RAB6B: variants seen among roughly 807,000 people sequenced by gnomAD.
RAB6B encodes ras-related protein Rab-6B.
A neutral mutation model predicts 31.2 loss-of-function variants in RAB6B; 7 were observed. The observed-to-expected ratio is 0.22, with a 90% CI of 0.13 to 0.42. The LOEUF (loss-of-function observed/expected upper bound fraction) is 0.42. Among genes scored for constraint, RAB6B ranks in the 10% least tolerant of loss-of-function variants. The pLI is 1.00. For missense variants in RAB6B, 149 were observed against 280.6 expected, an observed-to-expected ratio of 0.53 and a Z score of 3.35; for synonymous variants, 105 against 104.9, an observed-to-expected ratio of 1.00 and a Z score of -0.01.
rs1936209848 is a variant in RAB6B at position 133,864,621 on chromosome 3, G to A, written c.92C>T (p.Thr31Met). Residue 31 changes from threonine (T) to methionine (M), a missense_variant, in exon 2 of 8, where the codon ACG becomes ATG. This residue lies in a region of RAB6B where 75 missense variants were observed against 180.1 expected (regional missense o/e 0.42). Transcript: ENST00000285208. Reference sequence around the variant, plus strand: ...GTCGAAGCTGTCGTACATGAACCTCGTAATCAGAGACGTCTTCCCGACTGC... The same window carrying A: ...GTCGAAGCTGTCGTACATGAACCTCATAATCAGAGACGTCTTCCCGACTGC... ...EQSVGKTSLI[T>M]RFMYDSFDNT... 1 of 1,614,136 alleles carries A rather than the reference G, an allele frequency of 6.2e-7. No homozygotes were observed. Among genetic ancestry groups the A allele is most frequent in the East Asian group, 2.2e-5 (1 of 44,872 alleles).
At chr3:133,874,166 T>C (rs1010034311) in intron 1 of RAB6B, among the ~76,000 whole-genome samples, 9 of 152,218 alleles carry the variant, frequency 5.9e-5, no homozygotes, top group African/African-American at 1.2e-4. Flanking sequence ...TAAGTGGATA[T>C]GCATAGTTCA....
chr3:133,881,587 C>G (rs879712929), intron 1 of RAB6B, among the ~76,000 whole-genome samples: 1 of 152,194 alleles, frequency 6.6e-6, no homozygotes, highest in African/African-American at 2.4e-5. Context: ...CAGAAAATCA[C>G]GTCATGGCAA....
chr3:133,894,205 G>C (rs966274050), intron 1 of RAB6B, among the ~76,000 whole-genome samples: 13 of 152,218 alleles, frequency 8.5e-5, no homozygotes, highest in African/African-American at 3.1e-4. Flanking sequence ...GGTCTGCAGA[G>C]GCAGAGCTGG....
chr3:133,889,977 T>A (rs895981712), intron 1 of RAB6B, among the ~76,000 whole-genome samples: 1 of 152,188 alleles, frequency 6.6e-6, no homozygotes, highest in Non-Finnish European at 1.5e-5. Flanking sequence ...TGTCTGACTC[T>A]CTCACTCACA....
chr3:133,857,697 A>T (rs1936101205), intron 2 of RAB6B, among the ~76,000 whole-genome samples: 1 of 152,220 alleles, frequency 6.6e-6, no homozygotes, highest in African/African-American at 2.4e-5. Flanking sequence ...GGCCTGATAG[A>T]ACAGCCATTT....
chr3:133,874,550 A>G (rs1376676544), intron 1 of RAB6B, among the ~76,000 whole-genome samples: 2 of 152,260 alleles, frequency 1.3e-5, no homozygotes, highest in Non-Finnish European at 2.9e-5. Flanking sequence ...GTGAGTGGTG[A>G]GTAAATGTGA....
chr3:133,895,470 G>A lies in RAB6B; in HGVS notation c.-4C>T. On this transcript the variant is annotated 5_prime_UTR_variant, in exon 1 of 8. Coordinates refer to ENST00000285208, the MANE Select transcript of RAB6B (RefSeq NM_016577.4). ...CAAAATCTCCCCCTGCGGACATGGT[G>A]CTGGCAGCCGGGGCCGGGAGAGGAG... 1 of 1,611,442 alleles carries A rather than the reference G, an allele frequency of 6.2e-7. No individual in the cohort carries two copies. The highest frequency in any genetic ancestry group is 8.5e-7 in the Non-Finnish European group (1 of 1,178,826).
chr3:133,828,997 A>T lies in RAB6B; in HGVS notation c.563-145T>A, dbSNP rs925875028. 2.5e-5 allele frequency: 17 copies of T among 693,826 alleles called. 1 individual carries two copies. Among genetic ancestry groups the T allele is most frequent in the Non-Finnish European group, 1.2e-5 (5 of 432,498 alleles). 43.0% of individuals were successfully genotyped at this position (693,826 alleles called of 1,614,324 possible). On this transcript the variant is annotated intron_variant, in intron 7 of 7. Transcript: ENST00000285208. ...TCTTGGTTTGGCTGGGCTAGGAAGG[A>T]TGCAATACCAACTCCACCTTGCCTC... is the stretch of plus-strand genomic sequence containing the variant.
At chr3:133,862,698 C>T (rs567359478) in intron 2 of RAB6B, among the ~76,000 whole-genome samples, 9 of 152,138 alleles carry the variant, frequency 5.9e-5, no homozygotes, top group East Asian at 1.9e-4. Context: ...CAATGGGAGA[C>T]GACGCTGAAC....
At chr3:133,876,536 CACAAATTT>C (rs1936399699) in intron 1 of RAB6B, among the ~76,000 whole-genome samples, 1 of 152,024 alleles carries the variant, frequency 6.6e-6, no homozygotes, top group South Asian at 2.1e-4. Context: ...AAAGCTGGAC[CACAAATTT>C]GCTTACAAAA....
rs893501890 is a variant in RAB6B at position 133,825,350 on chromosome 3, A to T, written c.*3438T>A. The T allele has an allele frequency of 6.6e-6, 1 of 152,210 alleles. No individual in the cohort carries two copies. The highest frequency in any genetic ancestry group is 1.5e-5 in the Non-Finnish European group (1 of 68,050). 9.4% of individuals were successfully genotyped at this position (152,210 alleles called of 1,614,324 possible). ...GACGTTGCACCCCAGATGTGTCTGCACTCTTAACTACCACCATTTCAATCC... is the reference window on the plus strand; with the variant it reads ...GACGTTGCACCCCAGATGTGTCTGCTCTCTTAACTACCACCATTTCAATCC... On this transcript the variant is annotated 3_prime_UTR_variant, in exon 8 of 8. Coordinates refer to ENST00000285208, the MANE Select transcript of RAB6B (RefSeq NM_016577.4).
intron 2 of RAB6B, among the ~76,000 whole-genome samples, chr3:133,860,701 A>G (rs901997403): frequency 6.6e-6 from 1 of 152,186 alleles, no homozygotes; most frequent in Admixed American, 6.5e-5. Flanking sequence ...GAAAGGATCC[A>G]GCGCAGGCAG....
rs1473153887 is a variant in RAB6B, at chr3:133,824,932, TTAA to T, written c.*3853_*3855del. ...ATCACTCCTAACTTGCTGGGTGATCTTAATAAGCAAGTTGCCCTTCTCCATCCT... is the reference window on the plus strand; with the variant it reads ...ATCACTCCTAACTTGCTGGGTGATCTTAAGCAAGTTGCCCTTCTCCATCCT... On this transcript the variant is annotated 3_prime_UTR_variant, in exon 8 of 8. Coordinates refer to ENST00000285208, the MANE Select transcript of RAB6B (RefSeq NM_016577.4). 1 of 152,142 alleles carries T rather than the reference TTAA, an allele frequency of 6.6e-6. No homozygotes were observed. The highest frequency in any genetic ancestry group is 1.5e-5 in the Non-Finnish European group (1 of 68,002). 9.4% of individuals were successfully genotyped at this position (152,142 alleles called of 1,614,324 possible).
intron 5 of RAB6B, among the ~76,000 whole-genome samples, chr3:133,838,587 C>G (rs917122088): frequency 6.6e-6 from 1 of 152,186 alleles, no homozygotes; most frequent in African/African-American, 2.4e-5. Flanking sequence ...TGAAGAGATT[C>G]AAGCCAGGCA....
intron 1 of RAB6B, among the ~76,000 whole-genome samples, chr3:133,883,552 G>A (rs1184394604): frequency 6.6e-6 from 1 of 151,938 alleles, no homozygotes; most frequent in Non-Finnish European, 1.5e-5. Context: ...GTGTCTGTGA[G>A]CCTCTCCCTT....
At chr3:133,870,400 C>T (rs900654506) in intron 1 of RAB6B, among the ~76,000 whole-genome samples, 2 of 152,180 alleles carry the variant, frequency 1.3e-5, no homozygotes, top group African/African-American at 4.8e-5. Flanking sequence ...TGGGTGGGGA[C>T]ACTCTGCTAC....
chr3:133,894,138 G>A (rs1167368890), intron 1 of RAB6B, among the ~76,000 whole-genome samples: 1 of 152,212 alleles, frequency 6.6e-6, no homozygotes, highest in African/African-American at 2.4e-5. Context: ...TCCTCCCACA[G>A]CTGCCTTTCT....
At chr3:133,883,564 G>A (rs1036915064) in intron 1 of RAB6B, among the ~76,000 whole-genome samples, 5 of 150,204 alleles carry the variant, frequency 3.3e-5, no homozygotes, top group African/African-American at 7.3e-5. Flanking sequence ...CTCTCCCTTC[G>A]GTCTCAGCAC....
At position 133,895,717 on chromosome 3, in the gene RAB6B, G is replaced by A. The variant is rs1936702711; in HGVS notation, c.-251C>T. ...GGGCTGGGCTGCTGCGGTCGGCACT[G>A]GCTGCGGTGCGAGGGGCGCGCTCTT... On this transcript the variant is annotated 5_prime_UTR_variant, in exon 1 of 8. Transcript: ENST00000285208. 38 of 510,000 alleles carry A rather than the reference G, an allele frequency of 7.5e-5. 3 individuals carry two copies. In the South Asian group the frequency reaches 1.0e-3, roughly 13 times the overall value. The allele number at this position is 510,000 out of a possible 1,614,324, so 31.6% of individuals were successfully genotyped here.
Sources: allele counts gnomAD v4.1 joint callset (sites outside exome capture counted in the v4.1 genomes callset), GRCh38; gene constraint gnomAD v4.1.1; regional missense constraint gnomAD v4.1.1; transcripts MANE v1.5; gene names NCBI Gene and HGNC (gene_info 2026-07-23, HGNC 2026-07-21).